Variants in STK32B observed in about 807,000 individuals in gnomAD.
STK32B encodes serine/threonine-protein kinase 32B.
Under a neutral mutation model 52.6 loss-of-function variants are expected in STK32B, and 43 were observed. The ratio of observed to expected loss-of-function variants is 0.82; its 90% CI spans 0.64 to 1.05. The LOEUF is 1.05. STK32B is among the 50% of genes least tolerant of loss of function. The pLI, the probability that STK32B is intolerant of heterozygous loss-of-function variation, is 0.00. For missense variants in STK32B, 621 were observed against 534.6 expected (o/e 1.16, Z -1.59); for synonymous variants, 238 against 204.3 (o/e 1.17, Z -1.41).
chr4:5,299,437 T>A (rs1468176431), intron 3 of STK32B, among the ~76,000 whole-genome samples: 1 of 152,108 alleles, frequency 6.6e-6, no homozygotes. Context: ...CATCTTTAGT[T>A]AATTTTGTGT....
At chr4:5,438,925 C>A (rs1714408829) in intron 6 of STK32B, among the ~76,000 whole-genome samples, 1 of 151,764 alleles carries the variant, frequency 6.6e-6, no homozygotes, top group Admixed American at 6.6e-5. Flanking sequence ...CTACAAAGGA[C>A]ATGAACTCAT....
At chr4:5,310,570 T>G (rs1730227631) in intron 3 of STK32B, among the ~76,000 whole-genome samples, 1 of 152,042 alleles carries the variant, frequency 6.6e-6, no homozygotes, top group Admixed American at 6.6e-5. Flanking sequence ...AAAAGGGAAC[T>G]CTAGCACACT....
At position 5,396,462 on chromosome 4, in the gene STK32B, C is replaced by T. The variant is rs1736927984; in HGVS notation, c.435-1745C>T. ...CAAAGACTCCATTTCCATATAGGGT[C>T]CCATTCTGAAGTTCTGGGTGGACAT... On this transcript the variant is annotated intron_variant, in intron 4 of 11. Transcript: ENST00000282908. The surrounding 1 kb of genome is among the most constrained non-coding windows in gnomAD (Gnocchi z 4.7). Among the ~76,000 whole-genome samples, 1 of 152,176 alleles carries T rather than the reference C, an allele frequency of 6.6e-6. No homozygotes were observed. The highest frequency in any genetic ancestry group is 1.5e-5 in the Non-Finnish European group (1 of 68,020).
In STK32B at chr4:5,159,587, GAA is replaced by G. The variant is rs1718197383; in HGVS notation, c.109-8711_109-8710del. Among the ~76,000 whole-genome samples, 2 of 99,980 alleles carry G rather than the reference GAA, an allele frequency of 2.0e-5. 1 individual carries two copies. The highest frequency in any genetic ancestry group is 1.1e-4 in the African/African-American group (2 of 18,396). The allele number at this position is 99,980 out of a possible 152,430, so 65.6% of individuals were successfully genotyped here. A position where few individuals can be genotyped will look rare whatever the true frequency, so the allele number is the denominator to read the frequency against. ...AATGAATATATATGAATATATATATGAATATATATGAATATATATATGAATAT... is the reference window on the plus strand; with the variant it reads ...AATGAATATATATGAATATATATATGTATATATGAATATATATATGAATAT... On this transcript the variant is annotated intron_variant, in intron 2 of 11. Coordinates refer to ENST00000282908, the MANE Select transcript of STK32B (RefSeq NM_018401.3).
At chr4:5,358,502 A>T (rs749186618) in intron 4 of STK32B, among the ~76,000 whole-genome samples, 2 of 152,180 alleles carry the variant, frequency 1.3e-5, no homozygotes, top group African/African-American at 2.4e-5. Flanking sequence ...TTCATTCGTT[A>T]ATCTAGGCAC....
chr4:5,307,677 T>G (rs917791275), intron 3 of STK32B, among the ~76,000 whole-genome samples: 8 of 152,112 alleles, frequency 5.3e-5, no homozygotes, highest in African/African-American at 1.7e-4. Context: ...GTGTGATCTT[T>G]TGGGAGTGTT....
At chr4:5,337,859 C>T (rs748438104) in intron 4 of STK32B, among the ~76,000 whole-genome samples, 21 of 152,064 alleles carry the variant, frequency 1.4e-4, no homozygotes, top group Non-Finnish European at 2.9e-4. Flanking sequence ...AAAATCTAAC[C>T]AAAAACTCAA....
At chr4:5,358,343 A>C (rs28443173) in intron 4 of STK32B, among the ~76,000 whole-genome samples, 42 of 152,380 alleles carry the variant, frequency 2.8e-4, no homozygotes, top group African/African-American at 9.9e-4. Context: ...GTTTTACAGA[A>C]GATGTTCAAA....
chr4:5,352,425 G>C (rs116573738), intron 4 of STK32B, among the ~76,000 whole-genome samples: 46 of 151,898 alleles, frequency 3.0e-4, no homozygotes, highest in South Asian at 6.2e-4. Flanking sequence ...CAATAGACTA[G>C]GCATAGAAGA....
chr4:5,229,714 TTTAAAA>T (rs1453410832), intron 3 of STK32B, among the ~76,000 whole-genome samples: 4 of 152,174 alleles, frequency 2.6e-5, no homozygotes, highest in African/African-American at 9.6e-5. Flanking sequence ...TTTAGGCAAA[TTTAAAA>T]TTATATATAA....
chr4:5,385,319 A>G (rs543311220), intron 4 of STK32B, among the ~76,000 whole-genome samples: 91 of 152,106 alleles, frequency 6.0e-4, no homozygotes, highest in African/African-American at 2.0e-3. Flanking sequence ...AAGAAGTCAG[A>G]TGGGGGGATG....
At chr4:5,388,389 T>C (rs1388465341) in intron 4 of STK32B, among the ~76,000 whole-genome samples, 1 of 152,194 alleles carries the variant, frequency 6.6e-6, no homozygotes, top group Non-Finnish European at 1.5e-5. Context: ...ACATACAGTA[T>C]TTCATTTTAT....
chr4:5,252,851 C>T (rs1176802485), intron 3 of STK32B, among the ~76,000 whole-genome samples: 4 of 152,114 alleles, frequency 2.6e-5, no homozygotes, highest in African/African-American at 4.8e-5. Context: ...AATAAAGTGC[C>T]TGGTGTGTTG....
chr4:5,312,058 TAATC>T (rs961676775), intron 3 of STK32B, among the ~76,000 whole-genome samples: 1 of 151,660 alleles, frequency 6.6e-6, no homozygotes, highest in Non-Finnish European at 1.5e-5. Flanking sequence ...TTAACAGAAG[TAATC>T]AATGTTAATA....
At chr4:5,365,746 G>A (rs926186733) in intron 4 of STK32B, among the ~76,000 whole-genome samples, 1 of 152,186 alleles carries the variant, frequency 6.6e-6, no homozygotes, top group Non-Finnish European at 1.5e-5. Context: ...TTGGGAGCTT[G>A]TCTTTGCTGT....
chr4:5,316,722 AT>A (rs1730850610), intron 3 of STK32B, among the ~76,000 whole-genome samples: 274 of 14,290 alleles, frequency 0.019, 25 homozygotes, highest in South Asian at 0.029. Flanking sequence ...ATATAATAAT[AT>A]ATTATATAAT....
chr4:5,381,277 CTGTT>C (rs1735917288), intron 4 of STK32B, among the ~76,000 whole-genome samples: 1 of 152,212 alleles, frequency 6.6e-6, no homozygotes, highest in African/African-American at 2.4e-5. Flanking sequence ...ACTGCTGTCC[CTGTT>C]TGATGGATGA....
At chr4:5,408,200 C>A (rs1737802511) in intron 5 of STK32B, among the ~76,000 whole-genome samples, 1 of 152,194 alleles carries the variant, frequency 6.6e-6, no homozygotes, top group South Asian at 2.1e-4. Context: ...TAGGACTAAT[C>A]CTTCTGGTAT....
At chr4:5,129,437 A>T (rs1266754396) in intron 1 of STK32B, among the ~76,000 whole-genome samples, 1 of 152,156 alleles carries the variant, frequency 6.6e-6, no homozygotes, top group East Asian at 1.9e-4. Flanking sequence ...TCTCTTGTTC[A>T]TTGTAGGCGT....
Sources: allele counts gnomAD v4.1 joint callset (sites outside exome capture counted in the v4.1 genomes callset), GRCh38; gene constraint gnomAD v4.1.1; non-coding constraint Gnocchi (gnomAD v3.1); transcripts MANE v1.5; gene names NCBI Gene and HGNC (gene_info 2026-07-23, HGNC 2026-07-21).